GPC5: variants seen among roughly 807,000 people sequenced by gnomAD.
GPC5 encodes glypican-5.
A neutral mutation model predicts 53.9 loss-of-function variants in GPC5; 47 were observed. The observed-to-expected ratio is 0.87, with a 90% CI of 0.69 to 1.11. GPC5 has a LOEUF of 1.11. Among genes scored for constraint, GPC5 ranks in the 50% most tolerant of loss-of-function variants. The pLI, the probability that GPC5 is intolerant of heterozygous loss-of-function variation, is 0.00. For missense variants in GPC5, 748 were observed against 713.1 expected (o/e 1.05, Z -0.56); for synonymous variants, 286 against 263.3 (o/e 1.09, Z -0.84).
chr13:91,783,421 T>C (rs1348405831), intron 5 of GPC5, among the ~76,000 whole-genome samples: 2 of 152,096 alleles, frequency 1.3e-5, no homozygotes, highest in Non-Finnish European at 2.9e-5. Flanking sequence ...ATTTAAAAAA[T>C]AGTTTTTACT....
At position 92,497,236 on chromosome 13, in the gene GPC5, G is replaced by A. The variant is rs7981224; in HGVS notation, c.1561+352247G>A. ...TTTCTTCTAGGGTTTTTATGGCTTG[G>A]GGTTATACATTTTAAGTCTTTAATC... is the stretch of plus-strand genomic sequence containing the variant. On this transcript the variant is annotated intron_variant, in intron 7 of 7. Coordinates refer to ENST00000377067, the MANE Select transcript of GPC5 (RefSeq NM_004466.6). Among the ~76,000 whole-genome samples the A allele has an allele frequency of 8.0e-3, 1,217 of 152,098 alleles. 15 individuals carry two copies. The highest frequency in any genetic ancestry group is 0.028 in the African/African-American group (1,141 of 41,488).
At position 91,398,987 on chromosome 13, in the gene GPC5, G is replaced by T. The variant is rs1876689045; in HGVS notation, c.-60G>T. The T allele has an allele frequency of 6.6e-7, 1 of 1,515,820 alleles. No homozygotes were observed. Among genetic ancestry groups the T allele is most frequent in the Admixed American group, 2.0e-5 (1 of 48,796 alleles). 93.9% of individuals were successfully genotyped at this position (1,515,820 alleles called of 1,614,324 possible). On this transcript the variant is annotated 5_prime_UTR_variant, in exon 1 of 8. Transcript: ENST00000377067. ...CTGTGTCTTCCACGTCTGCAGCTCA[G>T]CCAGGGCGCGCAGGGCGAGTGGGGT...
chr13:92,244,744 A>G (rs1255495360), intron 7 of GPC5, among the ~76,000 whole-genome samples: 2 of 152,088 alleles, frequency 1.3e-5, no homozygotes, highest in Admixed American at 6.6e-5. Context: ...AAAGAGTTAA[A>G]ATTGCATATT....
intron 2 of GPC5, among the ~76,000 whole-genome samples, chr13:91,619,437 G>A (rs958603824): frequency 3.9e-5 from 6 of 152,014 alleles, no homozygotes; most frequent in African/African-American, 1.4e-4. Context: ...AGAGTACGCT[G>A]TATTCAACTC....
chr13:91,880,109 TA>T (rs1256845592), intron 5 of GPC5, among the ~76,000 whole-genome samples: 1 of 152,074 alleles, frequency 6.6e-6, no homozygotes, highest in Non-Finnish European at 1.5e-5. Context: ...TATAGGGACT[TA>T]AAATTTTTTT....
chr13:92,809,491 A>T (rs931335947), intron 7 of GPC5, among the ~76,000 whole-genome samples: 2 of 152,166 alleles, frequency 1.3e-5, no homozygotes, highest in Non-Finnish European at 2.9e-5. Context: ...GTCCAGGGTA[A>T]TAAGACTCAG....
chr13:92,573,189 T>C (rs1325794006), intron 7 of GPC5, among the ~76,000 whole-genome samples: 5 of 152,194 alleles, frequency 3.3e-5, no homozygotes, highest in Non-Finnish European at 7.3e-5. Flanking sequence ...AGATCGTGGC[T>C]ACTGGTCTGA....
chr13:92,639,743 T>C (rs1566336191), intron 7 of GPC5, among the ~76,000 whole-genome samples: 1 of 152,228 alleles, frequency 6.6e-6, no homozygotes, highest in Non-Finnish European at 1.5e-5. Context: ...AGGGGTTTTC[T>C]AGGATATGGT....
chr13:91,448,779 G>A lies in GPC5; in HGVS notation c.182G>A (p.Cys61Tyr). Reference sequence around the variant, plus strand: ...GTTCCAGGACCTGATCTTCAGGTTTGCATATCCAAAAAGCCTACATGTTGC... The same window carrying A: ...GTTCCAGGACCTGATCTTCAGGTTTACATATCCAAAAAGCCTACATGTTGC... ...SPRAGPDLQV[C>Y]ISKKPTCCTR... The change falls in exon 2 of 8, where the codon TGC becomes TAC. Residue 61 changes from cysteine (C) to tyrosine (Y), a missense_variant. Coordinates refer to ENST00000377067, the MANE Select transcript of GPC5 (RefSeq NM_004466.6). The A allele has an allele frequency of 4.3e-6, 7 of 1,612,866 alleles. No homozygotes were observed. Among genetic ancestry groups the A allele is most frequent in the African/African-American group, 1.3e-5 (1 of 74,940 alleles).
intron 7 of GPC5, among the ~76,000 whole-genome samples, chr13:92,194,053 G>A (rs1055447631): frequency 6.6e-6 from 1 of 152,074 alleles, no homozygotes; most frequent in African/African-American, 2.4e-5. Flanking sequence ...TTTGTTATAC[G>A]AATGAAAGGA....
At chr13:92,441,629 G>T (rs1877569235) in intron 7 of GPC5, among the ~76,000 whole-genome samples, 1 of 152,118 alleles carries the variant, frequency 6.6e-6, no homozygotes, top group Non-Finnish European at 1.5e-5. Context: ...GCTAACCAAG[G>T]AGGGGAAAGA....
chr13:91,531,043 T>G (rs1008189727), intron 2 of GPC5, among the ~76,000 whole-genome samples: 3 of 152,190 alleles, frequency 2.0e-5, no homozygotes, highest in African/African-American at 7.2e-5. Flanking sequence ...TTGTACCCAC[T>G]TAGGGAGATA....
intron 7 of GPC5, among the ~76,000 whole-genome samples, chr13:92,527,257 AAGAAAGAAAGAAAGAAAG>A (rs1566277303): frequency 5.5e-5 from 5 of 90,990 alleles, no homozygotes; most frequent in African/African-American, 1.8e-4. Context: ...AAGAGAAAGA[AAGAAAGAAAGAAAGAAAG>A]AAAGAAAAAG....
At chr13:92,591,942 C>T (rs1018767456) in intron 7 of GPC5, among the ~76,000 whole-genome samples, 6 of 152,142 alleles carry the variant, frequency 3.9e-5, no homozygotes, top group Admixed American at 1.3e-4. Flanking sequence ...AGCCATTGAC[C>T]TGAGAGTCCA....
chr13:91,462,757 T>C (rs1301322693), intron 2 of GPC5, among the ~76,000 whole-genome samples: 1 of 152,082 alleles, frequency 6.6e-6, no homozygotes, highest in Non-Finnish European at 1.5e-5. Context: ...ATAAATGCTG[T>C]GTTCACATTC....
At chr13:91,673,351 T>A (rs533788140) in intron 2 of GPC5, among the ~76,000 whole-genome samples, 1 of 152,200 alleles carries the variant, frequency 6.6e-6, no homozygotes, top group Non-Finnish European at 1.5e-5. Flanking sequence ...ATTTAAAAAA[T>A]TTAGTTATTC....
At chr13:92,646,930 A>ATGTGTGTGTGTGTGTGTG (rs753380099) in intron 7 of GPC5, among the ~76,000 whole-genome samples, 2 of 146,502 alleles carry the variant, frequency 1.4e-5, no homozygotes, top group Non-Finnish European at 3.0e-5. Context: ...ATATATAAAC[A>ATGTGTGTGTGTGTGTGTG]TGTGTGTGTG....
intron 5 of GPC5, among the ~76,000 whole-genome samples, chr13:91,803,255 T>C (rs988994738): frequency 6.6e-6 from 1 of 152,268 alleles, no homozygotes; most frequent in East Asian, 1.9e-4. Context: ...AAAATGAAAA[T>C]AGTTTAAAAA....
chr13:91,696,064 T>C (rs1296378201), intron 3 of GPC5, among the ~76,000 whole-genome samples: 1 of 152,188 alleles, frequency 6.6e-6, no homozygotes, highest in Non-Finnish European at 1.5e-5. Context: ...ATAACTTAAA[T>C]AGGACAGTGT....
Sources: allele counts gnomAD v4.1 joint callset (sites outside exome capture counted in the v4.1 genomes callset), GRCh38; gene constraint gnomAD v4.1.1; transcripts MANE v1.5; gene names NCBI Gene and HGNC (gene_info 2026-07-23, HGNC 2026-07-21).